DGKB: variants seen among roughly 807,000 people sequenced by gnomAD.
DGKB encodes the protein diacylglycerol kinase beta.
DGKB carries 67 observed loss-of-function variants against 114.3 expected under a neutral mutation model. The ratio of observed to expected loss-of-function variants is 0.59; its 90% confidence interval spans 0.48 to 0.72. The LOEUF (loss-of-function observed/expected upper bound fraction) is 0.72, where lower values mean the gene tolerates loss of function less well. DGKB is among the 30% of genes least tolerant of loss of function. The pLI, the probability that DGKB is intolerant of heterozygous loss-of-function variation, is 0.00. For missense variants in DGKB, 907 were observed against 975.2 expected (o/e 0.93, Z 0.93); for synonymous variants, 398 against 323.1 (o/e 1.23, Z -2.49).
rs887073418 is a variant in DGKB, at chr7:14,673,586, T to C, written c.1036-559A>G. 2.6e-5 allele frequency among the ~76,000 whole-genome samples: 4 copies of C among 152,030 alleles called. No homozygotes were observed. The East Asian group carries it at 7.7e-4, about 29-fold the overall frequency. ...GAAGATGATTATGATTATAAAAATT[T>C]ATCTGTATATTGTATTTATCAGCTC... On this transcript the variant is annotated intron_variant, in intron 12 of 25. Transcript: ENST00000402815.
rs1446187743 is a variant in DGKB at position 14,148,102 on chromosome 7, G to GA, written c.*1028dup. 1.3e-5 allele frequency: 2 copies of GA among 152,288 alleles called. No individual in the cohort carries two copies. Among genetic ancestry groups the GA allele is most frequent in the Admixed American group, 1.3e-4 (2 of 15,278 alleles). 9.4% of individuals were successfully genotyped at this position (152,288 alleles called of 1,614,324 possible). A position where few individuals can be genotyped will look rare whatever the true frequency, so the allele number is the denominator to read the frequency against. ...ATTACACCTATATTTATAAATGACTGAAAAAAGCAAGAAATCATCTATTGA... is the reference window on the plus strand; with the variant it reads ...ATTACACCTATATTTATAAATGACTGAAAAAAAGCAAGAAATCATCTATTGA... On this transcript the variant is annotated 3_prime_UTR_variant, in exon 26 of 26. Transcript: ENST00000402815.
At chr7:14,320,480 AGT>A (rs1485330668) in intron 23 of DGKB, among the ~76,000 whole-genome samples, 1 of 152,046 alleles carries the variant, frequency 6.6e-6, no homozygotes, top group Admixed American at 6.6e-5. Flanking sequence ...CTCTTATTGA[AGT>A]GTGTCATCAA....
chr7:14,678,450 G>A (rs1025169425), intron 12 of DGKB, among the ~76,000 whole-genome samples: 28 of 151,968 alleles, frequency 1.8e-4, no homozygotes, highest in African/African-American at 4.1e-4. Flanking sequence ...TCAAGGGACC[G>A]GGATGAACAA....
intron 2 of DGKB, among the ~76,000 whole-genome samples, chr7:14,774,620 C>A (rs550539113): frequency 1.6e-4 from 25 of 152,180 alleles, no homozygotes; most frequent in Admixed American, 1.4e-3. Flanking sequence ...ATCAATTATT[C>A]TTTTCTCAAC....
chr7:14,523,973 C>G (rs1022194422), intron 20 of DGKB, among the ~76,000 whole-genome samples: 1 of 152,076 alleles, frequency 6.6e-6, no homozygotes, highest in African/African-American at 2.4e-5. Context: ...ACCTATAGAC[C>G]AGTGCTAATA....
intron 9 of DGKB, 128 bp downstream of exon 9, chr7:14,693,947 T>C (rs754115932): frequency 2.8e-6 from 3 of 1,058,552 alleles, no homozygotes; most frequent in Non-Finnish European, 4.0e-6. Context: ...GGCATACTTA[T>C]TAAAAGTTCC....
chr7:14,271,699 G>C (rs911459692), intron 23 of DGKB, among the ~76,000 whole-genome samples: 1 of 152,070 alleles, frequency 6.6e-6, no homozygotes, highest in African/African-American at 2.4e-5. Flanking sequence ...CTACAAAAAA[G>C]GTATTCTCAG....
intron 1 of DGKB, among the ~76,000 whole-genome samples, chr7:14,922,192 G>A (rs992080072): frequency 1.3e-5 from 2 of 152,016 alleles, no homozygotes; most frequent in Non-Finnish European, 2.9e-5. Context: ...CTGTTTCCAT[G>A]ACCAAAGCAG....
intron 25 of DGKB, among the ~76,000 whole-genome samples, chr7:14,152,091 T>C (rs961286610): frequency 1.3e-5 from 2 of 152,054 alleles, no homozygotes; most frequent in African/African-American, 4.8e-5. Flanking sequence ...CTGTTTTGTA[T>C]ACATTGAACA....
chr7:14,820,616 A>G (rs1049344515), intron 2 of DGKB, among the ~76,000 whole-genome samples: 1 of 152,208 alleles, frequency 6.6e-6, no homozygotes, highest in Admixed American at 6.5e-5. Flanking sequence ...TTTCAAATTA[A>G]ATCAAGAAAA....
chr7:14,376,487 C>T (rs527605079), intron 21 of DGKB, among the ~76,000 whole-genome samples: 12 of 152,168 alleles, frequency 7.9e-5, no homozygotes, highest in Middle Eastern at 3.4e-3. Context: ...CCAAAATTAA[C>T]AAAGTTACTA....
chr7:14,168,791 G>A (rs1219153793), intron 25 of DGKB, among the ~76,000 whole-genome samples: 1 of 152,196 alleles, frequency 6.6e-6, no homozygotes, highest in Non-Finnish European at 1.5e-5. Context: ...AGAGTCACAG[G>A]AGTACAAAGG....
In DGKB at chr7:14,146,914, A is replaced by C. The variant is rs1178460403; in HGVS notation, c.*2217T>G. ...CCCACTGTCTATCCAACAGCTTTCTACTGTACAGATTGTTAAGAATGATTC... is the reference window on the plus strand; with the variant it reads ...CCCACTGTCTATCCAACAGCTTTCTCCTGTACAGATTGTTAAGAATGATTC... On this transcript the variant is annotated 3_prime_UTR_variant, in exon 26 of 26. Coordinates refer to ENST00000402815, the MANE Select transcript of DGKB (RefSeq NM_001350709.2). The C allele has an allele frequency of 6.6e-6, 1 of 152,150 alleles. No individual in the cohort carries two copies. The highest frequency in any genetic ancestry group is 1.5e-5 in the Non-Finnish European group (1 of 68,014). The allele number at this position is 152,150 out of a possible 1,614,324, so 9.4% of individuals were successfully genotyped here.
intron 23 of DGKB, among the ~76,000 whole-genome samples, chr7:14,328,351 A>T (rs1359812037): frequency 6.6e-6 from 1 of 152,048 alleles, no homozygotes; most frequent in Non-Finnish European, 1.5e-5. Context: ...TATTCACAGA[A>T]ATTCAGTTTT....
intron 21 of DGKB, among the ~76,000 whole-genome samples, chr7:14,348,614 AT>A (rs1240086719): frequency 6.6e-6 from 1 of 152,006 alleles, no homozygotes; most frequent in South Asian, 2.1e-4. Context: ...AGTAAAAAAA[AT>A]CTTGAATATA....
rs572586843 is a variant in DGKB at position 14,939,795 on chromosome 7, A to G, written c.-188+34901T>C. ...CGCCCAGCTAATTTTTTGTATTTTT[A>G]GTAGAGACAGGATTTCACCGTGTTA... is the stretch of plus-strand genomic sequence containing the variant. On this transcript the variant is annotated intron_variant, in intron 1 of 4. Transcript: ENST00000437998. Among the ~76,000 whole-genome samples, 699 of 151,822 alleles carry G rather than the reference A, an allele frequency of 4.6e-3. 2 individuals are homozygous for G. Among genetic ancestry groups the G allele is most frequent in the Non-Finnish European group, 6.9e-3 (467 of 67,886 alleles).
intron 20 of DGKB, among the ~76,000 whole-genome samples, chr7:14,485,700 C>A (rs1024265242): frequency 1.3e-5 from 2 of 150,266 alleles, no homozygotes; most frequent in South Asian, 4.2e-4. Context: ...GCCTGGCCAA[C>A]ATGGTGAAAC....
chr7:14,866,601 T>C (rs1472780060), intron 1 of DGKB, among the ~76,000 whole-genome samples: 1 of 152,200 alleles, frequency 6.6e-6, no homozygotes, highest in Non-Finnish European at 1.5e-5. Flanking sequence ...TTCCATTGTC[T>C]GGATATATCA....
At chr7:14,222,034 C>A (rs929579366) in intron 23 of DGKB, among the ~76,000 whole-genome samples, 1 of 150,976 alleles carries the variant, frequency 6.6e-6, no homozygotes, top group Non-Finnish European at 1.5e-5. Context: ...TAGTTTGAAT[C>A]TTCTCTTTTT....
Sources: gnomAD v4.1 joint callset for allele counts (sites outside exome capture counted in the v4.1 genomes callset) on GRCh38, gnomAD v4.1.1 for gene constraint, MANE v1.5 for transcripts, NCBI Gene and HGNC (gene_info 2026-07-23, HGNC 2026-07-21) for gene names.